Variants in AK2 observed in about 807,000 individuals in gnomAD.
AK2 encodes the protein adenylate kinase 2, mitochondrial.
In AK2, 15 loss-of-function variants were observed where a neutral mutation model predicts 24.6. The observed-to-expected ratio is 0.61, with a 90% CI of 0.41 to 0.94. The LOEUF (loss-of-function observed/expected upper bound fraction) is 0.94. AK2 is among the 40% of genes least tolerant of loss of function. The pLI, the probability that AK2 is intolerant of heterozygous loss-of-function variation, is 0.00. For synonymous variants in AK2, 102 were observed against 114.0 expected, an observed-to-expected ratio of 0.90 and a Z score of 0.67; for missense variants, 257 against 304.1, an observed-to-expected ratio of 0.85 and a Z score of 1.15.
chr1:33,018,874 A>G (rs908933555), intron 4 of AK2, among the ~76,000 whole-genome samples: 3 of 152,318 alleles, frequency 2.0e-5, no homozygotes, highest in Admixed American at 1.3e-4. Flanking sequence ...ATGTTCTTAG[A>G]ATACTGTTTT....
At chr1:33,023,262 C>T (rs1639663947) in intron 2 of AK2, among the ~76,000 whole-genome samples, 1 of 152,074 alleles carries the variant, frequency 6.6e-6, no homozygotes, top group Non-Finnish European at 1.5e-5. Context: ...GTCAACTGGC[C>T]TAAAGAAGGA....
intron 1 of AK2, among the ~76,000 whole-genome samples, chr1:33,027,523 C>T (rs921225297): frequency 2.6e-5 from 4 of 151,968 alleles, no homozygotes; most frequent in Non-Finnish European, 5.9e-5. Context: ...GGGTGGATCA[C>T]GAGGTCAGGA....
intron 1 of AK2, among the ~76,000 whole-genome samples, chr1:33,035,660 C>T (rs1013701620): frequency 4.6e-5 from 7 of 152,290 alleles, no homozygotes; most frequent in Admixed American, 3.3e-4. Context: ...GATCATCGAT[C>T]CCAACCCTAA....
chr1:33,014,496 A>C (rs1639050003), intron 5 of AK2, 26 bp downstream of exon 5: 1 of 1,596,678 alleles, frequency 6.3e-7, no homozygotes, highest in Admixed American at 1.7e-5. Context: ...AAAGAAAAGG[A>C]AATTTTTTGT....
chr1:33,026,083 A>AGTCTC (rs1639859942), intron 1 of AK2, among the ~76,000 whole-genome samples: 1 of 152,244 alleles, frequency 6.6e-6, no homozygotes, highest in African/African-American at 2.4e-5. Context: ...ATTTACAAGG[A>AGTCTC]ATATAATCAG....
At chr1:33,018,801 C>A (rs1639351680) in intron 4 of AK2, among the ~76,000 whole-genome samples, 2 of 152,184 alleles carry the variant, frequency 1.3e-5, no homozygotes, top group South Asian at 4.1e-4. Flanking sequence ...AAACAGGCTC[C>A]TAGATGGTAT....
In AK2 at chr1:33,024,289, A is replaced by G. The variant is rs1639735843; in HGVS notation, c.219+153T>C. ...AGTTCTGTATCAGCGTTGGCTGGTA[A>G]ATACTTGAAATATGGCTAGTGCAAC... On this transcript the variant is annotated intron_variant, in intron 2 of 5. Transcript: ENST00000672715. 9 of 1,063,138 alleles carry G rather than the reference A, an allele frequency of 8.5e-6. No individual in the cohort carries two copies. The South Asian group carries it at 1.2e-4, about 14-fold the overall frequency. 65.9% of individuals were successfully genotyped at this position (1,063,138 alleles called of 1,614,324 possible).
In AK2 at chr1:33,010,776, G is replaced by A. The variant is rs1195548452; in HGVS notation, c.*2405C>T. 1.2e-6 allele frequency: 2 copies of A among 1,614,288 alleles called. No individual in the cohort carries two copies. Among genetic ancestry groups the A allele is most frequent in the Non-Finnish European group, 8.5e-7 (1 of 1,180,052 alleles). ...CCTCTGCCCAGCACCTAAGAGCAGGGATCACGCCGCGGGGTGATGAGCAGT... is the reference window on the plus strand; with the variant it reads ...CCTCTGCCCAGCACCTAAGAGCAGGAATCACGCCGCGGGGTGATGAGCAGT... On this transcript the variant is annotated 3_prime_UTR_variant, in exon 6 of 6. Coordinates refer to ENST00000672715, the MANE Select transcript of AK2 (RefSeq NM_001625.4).
intron 2 of AK2, 33 bp downstream of exon 2, chr1:33,024,409 A>T: frequency 1.2e-6 from 2 of 1,612,566 alleles, no homozygotes; most frequent in Non-Finnish European, 8.5e-7. Context: ...GATTCTGAGG[A>T]ATATCAACAC....
chr1:33,016,746 C>T (rs148286935), intron 4 of AK2, among the ~76,000 whole-genome samples: 3,616 of 151,872 alleles, frequency 0.024, 146 homozygotes, highest in African/African-American at 0.083. Context: ...CATTCTGTTG[C>T]CCAGGCTGGA....
At chr1:33,035,533 C>CT (rs943841223) in intron 1 of AK2, among the ~76,000 whole-genome samples, 3 of 152,204 alleles carry the variant, frequency 2.0e-5, no homozygotes, top group African/African-American at 7.2e-5. Context: ...AGACTTCCCT[C>CT]TTTGAAGCCT....
At chr1:33,035,790 C>T (rs1200959848) in intron 1 of AK2, among the ~76,000 whole-genome samples, 1 of 152,124 alleles carries the variant, frequency 6.6e-6, no homozygotes, top group East Asian at 1.9e-4. Context: ...AGGTCTCAGG[C>T]TCATGAAACT....
rs374801133 is a variant in AK2 at position 33,013,021 on chromosome 1, G to A, written c.*160C>T. 1.8e-3 allele frequency: 2,848 copies of A among 1,596,442 alleles called. 8 individuals are homozygous for A. The highest frequency in any genetic ancestry group is 1.9e-3 in the Non-Finnish European group (2,254 of 1,178,096). On this transcript the variant is annotated 3_prime_UTR_variant, in exon 6 of 6. Coordinates refer to ENST00000672715, the MANE Select transcript of AK2 (RefSeq NM_001625.4). Reference sequence around the variant, plus strand: ...ACACACAACACACATACACACAGATGAGAGTAGCACACACGCCAAAGATAC... The same window carrying A: ...ACACACAACACACATACACACAGATAAGAGTAGCACACACGCCAAAGATAC...
At chr1:33,029,826 A>G (rs79142149) in intron 1 of AK2, among the ~76,000 whole-genome samples, 1 of 152,216 alleles carries the variant, frequency 6.6e-6, no homozygotes, top group Non-Finnish European at 1.5e-5. Context: ...CTATGGGCGC[A>G]TATCACTGTG....
At chr1:33,018,188 T>G (rs1316585717) in intron 4 of AK2, among the ~76,000 whole-genome samples, 1 of 152,174 alleles carries the variant, frequency 6.6e-6, no homozygotes, top group East Asian at 1.9e-4. Flanking sequence ...CAATATTGAA[T>G]AAGTTAAAAA....
At chr1:33,034,953 G>A (rs57917217) in intron 1 of AK2, among the ~76,000 whole-genome samples, 5,372 of 152,150 alleles carry the variant, frequency 0.035, 350 homozygotes, top group African/African-American at 0.12. Context: ...CTGGGAGGGT[G>A]AGGTGGGAGG....
chr1:33,012,024 C>T lies in AK2; in HGVS notation c.*1157G>A. On this transcript the variant is annotated 3_prime_UTR_variant, in exon 6 of 6. Coordinates refer to ENST00000672715, the MANE Select transcript of AK2 (RefSeq NM_001625.4). ...AGAATAGATCACACACTGTTTTGTT[C>T]ACACTTGGAAACACAGGCAAACATT... The T allele has an allele frequency of 6.5e-7, 1 of 1,535,338 alleles. No individual in the cohort carries two copies. Among genetic ancestry groups the T allele is most frequent in the Non-Finnish European group, 8.7e-7 (1 of 1,146,684 alleles).
intron 1 of AK2, among the ~76,000 whole-genome samples, chr1:33,033,691 T>C (rs1640390132): frequency 6.6e-6 from 1 of 152,128 alleles, no homozygotes; most frequent in Non-Finnish European, 1.5e-5. Context: ...TTATAATAAT[T>C]TGTGAAGGGA....
At chr1:33,019,009 C>G (rs912702924) in intron 4 of AK2, among the ~76,000 whole-genome samples, 1 of 152,188 alleles carries the variant, frequency 6.6e-6, no homozygotes, top group African/African-American at 2.4e-5. Flanking sequence ...ACCTTCCTGC[C>G]CCCCAGACCA....
Sources: allele counts gnomAD v4.1 joint callset (sites outside exome capture counted in the v4.1 genomes callset), GRCh38; gene constraint gnomAD v4.1.1; transcripts MANE v1.5; gene names NCBI Gene and HGNC (gene_info 2026-07-23, HGNC 2026-07-21).